TCF4: variants seen among roughly 807,000 people sequenced by gnomAD.
The protein encoded by TCF4 is transcription factor 4.
A neutral mutation model predicts 82.1 loss-of-function variants in TCF4; 3 were observed. That is an observed-to-expected ratio of 0.04 (90% CI 0.02 to 0.09). TCF4 has a LOEUF of 0.09. TCF4 is among the 10% of genes least tolerant of loss of function. The pLI is 1.00. For missense variants in TCF4, 518 were observed against 852.7 expected (o/e 0.61, Z 4.89); for synonymous variants, 276 against 309.6 (o/e 0.89, Z 1.14).
At chr18:55,519,481 A>G (rs1430221540) in intron 3 of TCF4, among the ~76,000 whole-genome samples, 2 of 151,938 alleles carry the variant, frequency 1.3e-5, no homozygotes, top group Non-Finnish European at 2.9e-5. Context: ...TTGAGAAACC[A>G]TTGTACCAAC....
At chr18:55,541,818 C>T (rs981835917) in intron 3 of TCF4, among the ~76,000 whole-genome samples, 2 of 151,956 alleles carry the variant, frequency 1.3e-5, no homozygotes, top group East Asian at 3.8e-4. Flanking sequence ...TCAGCTGATT[C>T]AGCATGGCAA....
intron 2 of TCF4, among the ~76,000 whole-genome samples, chr18:55,613,122 A>T (rs369616833): frequency 6.6e-6 from 1 of 152,152 alleles, no homozygotes; most frequent in East Asian, 1.9e-4. Flanking sequence ...TATATTTGAC[A>T]TTCAATAAAC....
intron 6 of TCF4, among the ~76,000 whole-genome samples, chr18:55,357,227 T>G (rs1390814315): frequency 6.6e-6 from 1 of 152,190 alleles, no homozygotes; most frequent in Non-Finnish European, 1.5e-5. Flanking sequence ...TATTATATAT[T>G]AAAAGGGGGA....
At chr18:55,560,031 A>T (rs887638269) in intron 3 of TCF4, among the ~76,000 whole-genome samples, 86 of 152,332 alleles carry the variant, frequency 5.6e-4, no homozygotes, top group African/African-American at 1.9e-3. Flanking sequence ...TCCCCACTGA[A>T]TATTAGAAGC....
intron 3 of TCF4, among the ~76,000 whole-genome samples, chr18:55,467,663 T>C (rs569042360): frequency 6.6e-6 from 1 of 152,282 alleles, no homozygotes; most frequent in African/African-American, 2.4e-5. Flanking sequence ...ATCCAAGAAG[T>C]TCTTGTCCAG....
At chr18:55,396,524 C>A (rs574987527) in intron 6 of TCF4, among the ~76,000 whole-genome samples, 2 of 152,100 alleles carry the variant, frequency 1.3e-5, no homozygotes, top group Non-Finnish European at 2.9e-5. Context: ...CCCCTCGAGT[C>A]GGCCAGTCAA....
intron 2 of TCF4, among the ~76,000 whole-genome samples, chr18:55,625,835 CATCCAA>C (rs1181715616): frequency 6.6e-6 from 1 of 152,058 alleles, no homozygotes; most frequent in Non-Finnish European, 1.5e-5. Flanking sequence ...TTGATATATC[CATCCAA>C]ATACGATTTC....
intron 5 of TCF4, among the ~76,000 whole-genome samples, chr18:55,447,599 C>A (rs1392536858): frequency 6.6e-6 from 1 of 152,070 alleles, no homozygotes; most frequent in Admixed American, 6.6e-5. Flanking sequence ...TCATTTTGGG[C>A]AGCTTCTAGA....
chr18:55,240,336 TA>T (rs1390197563), intron 15 of TCF4, among the ~76,000 whole-genome samples: 1 of 152,220 alleles, frequency 6.6e-6, no homozygotes, highest in Admixed American at 6.5e-5. Context: ...GTTTTCACTG[TA>T]ATTAGAAACC....
intron 6 of TCF4, among the ~76,000 whole-genome samples, chr18:55,376,047 G>T: frequency 1.4e-5 from 2 of 141,164 alleles, no homozygotes; most frequent in Non-Finnish European, 3.0e-5. Flanking sequence ...TTTTAGACAG[G>T]GTTTCACTCT....
intron 3 of TCF4, among the ~76,000 whole-genome samples, chr18:55,469,006 C>A (rs1427386728): frequency 6.6e-6 from 1 of 151,592 alleles, no homozygotes; most frequent in Non-Finnish European, 1.5e-5. Flanking sequence ...TTCCAAAAGA[C>A]TGAAATGGGC....
intron 8 of TCF4, among the ~76,000 whole-genome samples, chr18:55,346,370 T>C (rs2081183334): frequency 6.6e-6 from 1 of 152,186 alleles, no homozygotes; most frequent in African/African-American, 2.4e-5. Context: ...GTAGAAATTG[T>C]TTATCTTGGG....
chr18:55,476,455 T>TTTTTTG (rs1568163054), intron 3 of TCF4, among the ~76,000 whole-genome samples: 1 of 141,998 alleles, frequency 7.0e-6, no homozygotes. Flanking sequence ...CCCTCGTTGT[T>TTTTTTG]TTTTTGTTTT....
At chr18:55,480,376 A>G (rs912716304) in intron 3 of TCF4, among the ~76,000 whole-genome samples, 2 of 151,946 alleles carry the variant, frequency 1.3e-5, no homozygotes, top group Non-Finnish European at 2.9e-5. Context: ...CCAAAAGGAT[A>G]CAAAATGTAC....
At chr18:55,304,221 ATTCAGTGAAGAAGACGG>A (rs1277638729) in intron 8 of TCF4, among the ~76,000 whole-genome samples, 2 of 152,314 alleles carry the variant, frequency 1.3e-5, no homozygotes, top group Non-Finnish European at 2.9e-5. Context: ...TCTGCATTTC[ATTCAGTGAAGAAGACGG>A]TATGAAAGAA....
At chr18:55,597,153 C>A (rs2097691801) in intron 2 of TCF4, among the ~76,000 whole-genome samples, 1 of 152,110 alleles carries the variant, frequency 6.6e-6, no homozygotes, top group Non-Finnish European at 1.5e-5. Flanking sequence ...TCCTGTACAG[C>A]CTGTGGAACT....
intron 3 of TCF4, among the ~76,000 whole-genome samples, chr18:55,478,695 G>C (rs771700152): frequency 2.6e-4 from 39 of 151,954 alleles, no homozygotes; most frequent in Admixed American, 9.8e-4. Flanking sequence ...TGTACCAAAT[G>C]AGTTGTAATT....
chr18:55,439,800 G>A (rs879791393), intron 5 of TCF4, among the ~76,000 whole-genome samples: 2 of 152,192 alleles, frequency 1.3e-5, no homozygotes, highest in Admixed American at 1.3e-4. Flanking sequence ...TCAGCTCACT[G>A]CAACCGCCGC....
chr18:55,358,138 T>C (rs1235237433), intron 6 of TCF4, among the ~76,000 whole-genome samples: 2 of 152,228 alleles, frequency 1.3e-5, no homozygotes, highest in Non-Finnish European at 2.9e-5. Flanking sequence ...AAAGAGGAAA[T>C]GACTTCTTCA....
Sources: allele counts gnomAD v4.1 joint callset (sites outside exome capture counted in the v4.1 genomes callset), GRCh38; gene constraint gnomAD v4.1.1; transcripts MANE v1.5; gene names NCBI Gene and HGNC (gene_info 2026-07-23, HGNC 2026-07-21).